The following SLC7A14 variants were observed in gnomAD, a reference collection of about 807,000 sequenced individuals.
SLC7A14 encodes solute carrier family 7 member 14.
SLC7A14 carries 37 observed loss-of-function variants against 60.2 expected under a neutral mutation model. The ratio of observed to expected loss-of-function variants is 0.61; its 90% CI spans 0.47 to 0.81. The LOEUF is 0.81. Among genes scored for constraint, SLC7A14 ranks in the 30% least tolerant of loss-of-function variants. SLC7A14 has a pLI of 0.00. For missense variants in SLC7A14, 886 were observed against 982.7 expected, an observed-to-expected ratio of 0.90 and a Z score of 1.32; for synonymous variants, 399 against 395.8, an observed-to-expected ratio of 1.01 and a Z score of -0.10.
intron 4 of SLC7A14, among the ~76,000 whole-genome samples, chr3:170,492,739 T>C (rs1336044700): frequency 6.6e-6 from 1 of 152,178 alleles, no homozygotes; most frequent in African/African-American, 2.4e-5. Flanking sequence ...ACTGGCCCCC[T>C]GCGTCTTGCT....
chr3:170,519,243 G>GA (rs1286304306), intron 2 of SLC7A14, among the ~76,000 whole-genome samples: 1 of 152,128 alleles, frequency 6.6e-6, no homozygotes, highest in African/African-American at 2.4e-5. Context: ...AAATATTGCA[G>GA]AAAAAATTGA....
Position 170,480,772 on chromosome 3 carries a change from A to C in SLC7A14, c.1510T>G (p.Tyr504Asp), listed in dbSNP as rs747393169. The C allele has an allele frequency of 2.5e-6, 4 of 1,614,170 alleles. No homozygotes were observed. In the South Asian group the frequency reaches 4.4e-5, roughly 18 times the overall value. The stretch of plus-strand genomic sequence containing the variant: ...CCGTAATTGGGGTGGTTGACGTTGT[A>C]GGTTGACTTGTCTGATTTCCCTATG... Reference protein sequence around the residue: ...MLIGKSDKSTYNVNHPNYGTV... With the variant: ...MLIGKSDKSTDNVNHPNYGTV... The change falls in exon 7 of 8, where the codon TAC becomes GAC. Residue 504 changes from tyrosine (Y) to aspartate (D), a missense_variant. Transcript: ENST00000231706.
At chr3:170,486,106 A>G in intron 5 of SLC7A14, 116 bp downstream of exon 5, 1 of 1,345,452 alleles carries the variant, frequency 7.4e-7, no homozygotes, top group Non-Finnish European at 1.0e-6. Flanking sequence ...ATGGGGCTAC[A>G]GGGGACAAAA....
intron 2 of SLC7A14, among the ~76,000 whole-genome samples, chr3:170,519,976 T>C (rs1713295107): frequency 6.6e-6 from 1 of 152,204 alleles, no homozygotes; most frequent in Non-Finnish European, 1.5e-5. Context: ...TCTGTCCCCA[T>C]GTCTGAGAGG....
intron 4 of SLC7A14, among the ~76,000 whole-genome samples, chr3:170,491,151 A>T (rs1462546699): frequency 1.3e-5 from 2 of 152,198 alleles, no homozygotes; most frequent in African/African-American, 4.8e-5. Flanking sequence ...ATACTGTAAG[A>T]TCCGAAATGC....
At chr3:170,531,137 G>T (rs1713668078) in intron 1 of SLC7A14, among the ~76,000 whole-genome samples, 2 of 152,300 alleles carry the variant, frequency 1.3e-5, no homozygotes, top group South Asian at 4.2e-4. Flanking sequence ...TAGCACAGCA[G>T]AATTGAGGTT....
At position 170,488,258 on chromosome 3, in the gene SLC7A14, G is replaced by A. The variant is rs1259350630; in HGVS notation, c.760-1890C>T. 2.6e-5 allele frequency among the ~76,000 whole-genome samples: 4 copies of A among 152,268 alleles called. No homozygotes were observed. In the South Asian group the frequency reaches 8.3e-4, roughly 32 times the overall value. ...CTGGTCTATTCTAATAAGTCAGGTA[G>A]AAAGAACTTCTAAAATACAAGCAGT... On this transcript the variant is annotated intron_variant, in intron 4 of 7. Transcript: ENST00000231706.
At chr3:170,538,346 T>C (rs1299994764) in intron 1 of SLC7A14, among the ~76,000 whole-genome samples, 1 of 152,214 alleles carries the variant, frequency 6.6e-6, no homozygotes, top group Non-Finnish European at 1.5e-5. Flanking sequence ...CTTCAGATTT[T>C]GCTCTTGTGG....
At chr3:170,572,470 A>T (rs190677648) in intron 1 of SLC7A14, among the ~76,000 whole-genome samples, 198 of 152,326 alleles carry the variant, frequency 1.3e-3, no homozygotes, top group African/African-American at 4.3e-3. Context: ...TAGCTGTCAA[A>T]TTATTCTTGA....
intron 1 of SLC7A14, among the ~76,000 whole-genome samples, chr3:170,557,692 T>C (rs78003869): frequency 0.12 from 17,586 of 152,254 alleles, 1,257 homozygotes; most frequent in East Asian, 0.2. Context: ...GTTTCATTTT[T>C]TCCTTTTGTA....
chr3:170,486,163 AG>A, intron 5 of SLC7A14, 58 bp downstream of exon 5: 13 of 1,595,608 alleles, frequency 8.1e-6, no homozygotes, highest in Non-Finnish European at 1.1e-5. Flanking sequence ...CTGACAGAGA[AG>A]GGAGCTCAGT....
chr3:170,577,639 A>G (rs1715134478), intron 1 of SLC7A14, among the ~76,000 whole-genome samples: 1 of 151,394 alleles, frequency 6.6e-6, no homozygotes. Flanking sequence ...AAAAAAAAAA[A>G]AAAAAAAAAG....
rs370905712 is a variant in SLC7A14 at position 170,480,883 on chromosome 3, C to T, written c.1399G>A (p.Val467Met). The T allele has an allele frequency of 4.0e-5, 65 of 1,613,970 alleles. No individual in the cohort carries two copies. Among genetic ancestry groups the T allele is most frequent in the Admixed American group, 1.3e-4 (8 of 59,984 alleles). The part of the protein sequence containing the change: ...ADCEKEACSP[V>M]SEGDEFSGPA... Reference sequence around the variant, plus strand: ...CCAGAAAACTCATCCCCCTCACTCACAGGAGAACAAGCTTCCTTCTCACAG... The same window carrying T: ...CCAGAAAACTCATCCCCCTCACTCATAGGAGAACAAGCTTCCTTCTCACAG... The change falls in exon 7 of 8, where the codon GTG becomes ATG. Residue 467 changes from valine to methionine, a missense_variant. Transcript: ENST00000231706.
intron 4 of SLC7A14, among the ~76,000 whole-genome samples, chr3:170,498,397 T>A (rs1560258848): frequency 6.6e-6 from 1 of 152,214 alleles, no homozygotes; most frequent in Non-Finnish European, 1.5e-5. Context: ...CTTAGCACAA[T>A]TTTAGGCAAT....
chr3:170,583,695 C>G (rs576499623), intron 1 of SLC7A14, among the ~76,000 whole-genome samples: 1 of 152,354 alleles, frequency 6.6e-6, no homozygotes, highest in Non-Finnish European at 1.5e-5. Flanking sequence ...CATGTGGACT[C>G]TAGTTCTCCA....
At chr3:170,471,355 T>C (rs1739903506) in intron 7 of SLC7A14, among the ~76,000 whole-genome samples, 1 of 152,140 alleles carries the variant, frequency 6.6e-6, no homozygotes, top group South Asian at 2.1e-4. Context: ...GTGGAGTGAA[T>C]AGGATCATGA....
At chr3:170,474,946 G>T (rs983423043) in intron 7 of SLC7A14, among the ~76,000 whole-genome samples, 1 of 152,172 alleles carries the variant, frequency 6.6e-6, no homozygotes, top group Non-Finnish European at 1.5e-5. Flanking sequence ...CAGCAGGCCC[G>T]AAGGATGCCC....
chr3:170,540,085 C>G (rs1475481051), intron 1 of SLC7A14, among the ~76,000 whole-genome samples: 1 of 151,996 alleles, frequency 6.6e-6, no homozygotes, highest in Non-Finnish European at 1.5e-5. Flanking sequence ...AGTGTGGATA[C>G]CTTGGACAAA....
At chr3:170,508,242 A>C (rs530681365) in intron 2 of SLC7A14, among the ~76,000 whole-genome samples, 1 of 152,288 alleles carries the variant, frequency 6.6e-6, no homozygotes, top group African/African-American at 2.4e-5. Context: ...AACCAGAAAG[A>C]CTGTCCAAAA....
Sources: gnomAD v4.1 joint callset for allele counts (sites outside exome capture counted in the v4.1 genomes callset) on GRCh38, gnomAD v4.1.1 for gene constraint, MANE v1.5 for transcripts, NCBI Gene and HGNC (gene_info 2026-07-23, HGNC 2026-07-21) for gene names.